Variants in SLC35F1 observed in about 807,000 individuals in gnomAD.
SLC35F1 encodes solute carrier family 35 member F1.
A neutral mutation model predicts 48.7 loss-of-function variants in SLC35F1; 14 were observed. The observed-to-expected ratio is 0.29, with a 90% CI of 0.19 to 0.45. The LOEUF is 0.45. Among genes scored for constraint, SLC35F1 ranks in the 20% least tolerant of loss-of-function variants. The pLI is 1.00. For missense variants in SLC35F1, 404 were observed against 500.0 expected, an observed-to-expected ratio of 0.81 and a Z score of 1.83; for synonymous variants, 190 against 202.2, an observed-to-expected ratio of 0.94 and a Z score of 0.51.
intron 2 of SLC35F1, among the ~76,000 whole-genome samples, chr6:118,230,809 C>T (rs1310354399): frequency 6.6e-6 from 1 of 152,010 alleles, no homozygotes; most frequent in Non-Finnish European, 1.5e-5. Context: ...ATGGCAAAAC[C>T]CCATCTCTAC....
intron 1 of SLC35F1, among the ~76,000 whole-genome samples, chr6:117,923,999 A>T (rs1398769241): frequency 1.3e-5 from 2 of 151,026 alleles, no homozygotes; most frequent in African/African-American, 4.9e-5. Context: ...ACATATATAC[A>T]CATACATGTG....
chr6:118,222,955 A>G (rs539279449), intron 2 of SLC35F1, among the ~76,000 whole-genome samples: 48 of 152,172 alleles, frequency 3.2e-4, no homozygotes, highest in Non-Finnish European at 5.7e-4. Flanking sequence ...AAAGACTATT[A>G]TTGTTTCTTT....
chr6:117,956,145 A>G (rs1776423994), intron 1 of SLC35F1, among the ~76,000 whole-genome samples: 1 of 152,182 alleles, frequency 6.6e-6, no homozygotes, highest in African/African-American at 2.4e-5. Flanking sequence ...CTACTATTAC[A>G]TGTCTTTTCT....
intron 7 of SLC35F1, among the ~76,000 whole-genome samples, chr6:118,306,293 G>A (rs990542197): frequency 6.6e-6 from 1 of 152,188 alleles, no homozygotes; most frequent in Non-Finnish European, 1.5e-5. Flanking sequence ...GTGACAGGAA[G>A]CATAAATTTT....
chr6:118,294,769 A>G (rs578063086), intron 7 of SLC35F1, among the ~76,000 whole-genome samples: 1 of 152,310 alleles, frequency 6.6e-6, no homozygotes, highest in Admixed American at 6.5e-5. Context: ...TATGGGCTCC[A>G]TAAAACTATT....
At chr6:118,275,428 C>T (rs1582765017) in intron 4 of SLC35F1, 31 bp from the exon 5 acceptor site, 1 of 1,592,322 alleles carries the variant, frequency 6.3e-7, no homozygotes, top group East Asian at 2.3e-5. Context: ...TAATGATGCT[C>T]CCTCTGTTTG....
At chr6:118,140,988 G>T (rs1024490001) in intron 1 of SLC35F1, among the ~76,000 whole-genome samples, 4 of 152,074 alleles carry the variant, frequency 2.6e-5, no homozygotes, top group Non-Finnish European at 5.9e-5. Flanking sequence ...AGTTTATAAG[G>T]TAAGAAAGAT....
chr6:118,078,941 C>T (rs938665531), intron 1 of SLC35F1, among the ~76,000 whole-genome samples: 1 of 152,200 alleles, frequency 6.6e-6, no homozygotes, highest in African/African-American at 2.4e-5. Context: ...AGACGCCTGA[C>T]TGCTGAAGCC....
chr6:118,293,355 T>C (rs422268), intron 7 of SLC35F1, among the ~76,000 whole-genome samples: 84,289 of 151,870 alleles, frequency 0.56, 24,066 homozygotes, highest in African/African-American at 0.68. Context: ...AGGCCACCTG[T>C]ATTTCTTGGC....
rs144299408 is a variant in SLC35F1, at chr6:117,983,080, T to C, written c.173+75181T>C. Among the ~76,000 whole-genome samples the C allele has an allele frequency of 3.3e-3, 497 of 152,292 alleles. 2 individuals carry two copies. Among genetic ancestry groups the C allele is most frequent in the African/African-American group, 0.011 (473 of 41,564 alleles). ...TGCCTACCTTTCTTGATTCTATTCA[T>C]TAAACTGGAGAGACCTAGACTAGAA... On this transcript the variant is annotated intron_variant, in intron 1 of 7. Coordinates refer to ENST00000360388, the MANE Select transcript of SLC35F1 (RefSeq NM_001029858.4).
At chr6:118,054,606 C>T (rs189084300) in intron 1 of SLC35F1, among the ~76,000 whole-genome samples, 1 of 152,082 alleles carries the variant, frequency 6.6e-6, no homozygotes, top group Non-Finnish European at 1.5e-5. Flanking sequence ...GTTATTTCCC[C>T]ACGTGTCTAT....
In SLC35F1 at chr6:118,168,533, CACTT is replaced by C. The variant is rs1248169425; in HGVS notation, c.349+13915_349+13918del. Among the ~76,000 whole-genome samples, 6 of 152,248 alleles carry C rather than the reference CACTT, an allele frequency of 3.9e-5. No individual in the cohort carries two copies. In the East Asian group the frequency reaches 1.2e-3, roughly 29 times the overall value. ...TCAAAATACCTTATTGTACTGTACT[CACTT>C]ATTTTCAGACGGTGGTTAACGATGG... is the stretch of plus-strand genomic sequence containing the variant. On this transcript the variant is annotated intron_variant, in intron 2 of 7. Coordinates refer to ENST00000360388, the MANE Select transcript of SLC35F1 (RefSeq NM_001029858.4).
rs1311966251 is a variant in SLC35F1 at position 118,304,980 on chromosome 6, C to T, written c.1003-9048C>T. On this transcript the variant is annotated intron_variant, in intron 7 of 7. Transcript: ENST00000360388. ...ACAGAGAGAAATTGTTACAAGTTTACATCACAGTCAAAGATCTTTAGTGTC... is the reference window on the plus strand; with the variant it reads ...ACAGAGAGAAATTGTTACAAGTTTATATCACAGTCAAAGATCTTTAGTGTC... Among the ~76,000 whole-genome samples the T allele has an allele frequency of 5.3e-5, 2 of 37,458 alleles. 1 individual carries two copies. The highest frequency in any genetic ancestry group is 0.029 in the Middle Eastern group (2 of 70). The allele number at this position is 37,458 out of a possible 152,430, so 24.6% of individuals were successfully genotyped here. A position where few individuals can be genotyped will look rare whatever the true frequency, so the allele number is the denominator to read the frequency against.
At chr6:118,274,421 A>G (rs1028457473) in intron 4 of SLC35F1, among the ~76,000 whole-genome samples, 1 of 152,184 alleles carries the variant, frequency 6.6e-6, no homozygotes, top group African/African-American at 2.4e-5. Context: ...TATTTGAGAC[A>G]GAATGTCACG....
At position 118,268,630 on chromosome 6, in the gene SLC35F1, G is replaced by T. The variant is rs139228681; in HGVS notation, c.637+1476G>T. ...TTTTTTTTTTTTTTTTTTTTTTTGA[G>T]ACAGAGTCCCGCTCTGTTGCCCAGG... On this transcript the variant is annotated intron_variant, in intron 4 of 7. Transcript: ENST00000360388. 3.0e-3 allele frequency among the ~76,000 whole-genome samples: 241 copies of T among 80,266 alleles called. 2 individuals carry two copies. Among genetic ancestry groups the T allele is most frequent in the Admixed American group, 7.4e-3 (40 of 5,414 alleles). The allele number at this position is 80,266 out of a possible 152,430, so 52.7% of individuals were successfully genotyped here. A position where few individuals can be genotyped will look rare whatever the true frequency, so the allele number is the denominator to read the frequency against.
chr6:118,295,812 CTT>C (rs1776176516), intron 7 of SLC35F1, among the ~76,000 whole-genome samples: 1 of 152,076 alleles, frequency 6.6e-6, no homozygotes, highest in African/African-American at 2.4e-5. Flanking sequence ...CTTTACAATA[CTT>C]TTTAAAGTAT....
At chr6:117,985,267 A>G (rs62433678) in intron 1 of SLC35F1, among the ~76,000 whole-genome samples, 61,247 of 152,118 alleles carry the variant, frequency 0.4, 12,716 homozygotes, top group South Asian at 0.53. Context: ...GGATAAGAAT[A>G]TCCTGAGTCA....
intron 1 of SLC35F1, among the ~76,000 whole-genome samples, chr6:117,973,699 A>C (rs1215792515): frequency 6.6e-6 from 1 of 152,052 alleles, no homozygotes. Context: ...GTACCTGGGA[A>C]TATAATCTTG....
At chr6:117,923,680 T>TATGTACACATATAC (rs1554216707) in intron 1 of SLC35F1, among the ~76,000 whole-genome samples, 1 of 11,290 alleles carries the variant, frequency 8.9e-5, no homozygotes, top group Non-Finnish European at 2.5e-4. Flanking sequence ...TATATGTACA[T>TATGTACACATATAC]ATATACATAT....
Sources: gnomAD v4.1 joint callset for allele counts (sites outside exome capture counted in the v4.1 genomes callset) on GRCh38, gnomAD v4.1.1 for gene constraint, MANE v1.5 for transcripts, NCBI Gene and HGNC (gene_info 2026-07-23, HGNC 2026-07-21) for gene names.